MEIS2: variants seen among roughly 807,000 people sequenced by gnomAD.
MEIS2 encodes homeobox protein Meis2.
In MEIS2, 9 loss-of-function variants were observed where a neutral mutation model predicts 58.6. The ratio of observed to expected loss-of-function variants is 0.15; its 90% CI spans 0.09 to 0.27. MEIS2 has a LOEUF of 0.27. Ranked by LOEUF, MEIS2 falls within the 10% of genes least tolerant of loss-of-function variation. The pLI, the probability that MEIS2 is intolerant of heterozygous loss-of-function variation, is 1.00. For synonymous variants in MEIS2, 221 were observed against 228.4 expected, an observed-to-expected ratio of 0.97 and a Z score of 0.29; for missense variants, 427 against 635.0, an observed-to-expected ratio of 0.67 and a Z score of 3.52.
chr15:36,964,396 T>A (rs546907598), intron 8 of MEIS2, among the ~76,000 whole-genome samples: 1 of 152,196 alleles, frequency 6.6e-6, no homozygotes, highest in Non-Finnish European at 1.5e-5. Context: ...TCATTTAGAG[T>A]GCACAAGGAA....
chr15:37,050,448 A>C (rs905332091), intron 7 of MEIS2, among the ~76,000 whole-genome samples: 3 of 152,144 alleles, frequency 2.0e-5, no homozygotes, highest in African/African-American at 4.8e-5. Flanking sequence ...TGTCTCTAAG[A>C]GGTGTAAATT....
chr15:36,993,980 G>A (rs754676292), intron 8 of MEIS2, among the ~76,000 whole-genome samples: 1 of 151,882 alleles, frequency 6.6e-6, no homozygotes, highest in Non-Finnish European at 1.5e-5. Context: ...TGATTTTCAG[G>A]GTCAATAAAG....
At chr15:36,943,733 A>G (rs763747408) in intron 9 of MEIS2, among the ~76,000 whole-genome samples, 7 of 152,098 alleles carry the variant, frequency 4.6e-5, no homozygotes, top group Non-Finnish European at 8.8e-5. Flanking sequence ...CCAGCTTGCT[A>G]TGAAAACCAT....
chr15:36,907,200 T>C (rs1315286960), intron 9 of MEIS2, among the ~76,000 whole-genome samples: 1 of 152,220 alleles, frequency 6.6e-6, no homozygotes, highest in African/African-American at 2.4e-5. Flanking sequence ...TAGAAGAGAA[T>C]TGATAGGACA....
chr15:36,925,718 C>A (rs1399216428), intron 9 of MEIS2, among the ~76,000 whole-genome samples: 2 of 152,188 alleles, frequency 1.3e-5, no homozygotes, highest in African/African-American at 2.4e-5. Context: ...ACAAGCTCTG[C>A]TGTATAGACT....
chr15:36,957,865 T>C (rs1162540050), intron 8 of MEIS2, among the ~76,000 whole-genome samples: 1 of 152,208 alleles, frequency 6.6e-6, no homozygotes, highest in African/African-American at 2.4e-5. Context: ...CAGATGAATA[T>C]GGAGAGATTG....
At chr15:37,005,445 C>T (rs2060883909) in intron 8 of MEIS2, among the ~76,000 whole-genome samples, 1 of 152,326 alleles carries the variant, frequency 6.6e-6, no homozygotes, top group African/African-American at 2.4e-5. Context: ...GGTGTGGTGG[C>T]AGCAACACCT....
At chr15:36,929,357 C>G (rs2057877369) in intron 9 of MEIS2, among the ~76,000 whole-genome samples, 1 of 152,158 alleles carries the variant, frequency 6.6e-6, no homozygotes, top group Non-Finnish European at 1.5e-5. Context: ...CTGCTCTGAC[C>G]TGTGGGTATG....
chr15:37,087,605 A>G (rs1175556049), intron 6 of MEIS2, among the ~76,000 whole-genome samples: 2 of 152,194 alleles, frequency 1.3e-5, no homozygotes, highest in Non-Finnish European at 2.9e-5. Context: ...AAGTTAAAAA[A>G]AAAAATTGAT....
intron 9 of MEIS2, among the ~76,000 whole-genome samples, chr15:36,904,956 A>G (rs2056658973): frequency 6.6e-6 from 1 of 152,188 alleles, no homozygotes; most frequent in South Asian, 2.1e-4. Context: ...CCTATCAACC[A>G]AGTGGGACAT....
chr15:37,050,581 C>A (rs182309786), intron 7 of MEIS2, among the ~76,000 whole-genome samples: 135 of 152,082 alleles, frequency 8.9e-4, no homozygotes, highest in Non-Finnish European at 1.3e-3. Flanking sequence ...GAAGAGTATC[C>A]GACATACTTT....
chr15:37,012,210 A>G (rs1194379377), intron 8 of MEIS2, among the ~76,000 whole-genome samples: 1 of 152,218 alleles, frequency 6.6e-6, no homozygotes, highest in East Asian at 1.9e-4. Context: ...CATGTCCAAT[A>G]AAAGGAACAT....
chr15:37,039,493 C>A, intron 7 of MEIS2, among the ~76,000 whole-genome samples: 1 of 152,114 alleles, frequency 6.6e-6, no homozygotes, highest in Non-Finnish European at 1.5e-5. Context: ...TGAAAAAAGT[C>A]ATTTGCCTTT....
intron 2 of MEIS2, 121 bp downstream of exon 2, chr15:37,097,846 G>A: frequency 2.9e-6 from 4 of 1,385,152 alleles, no homozygotes; most frequent in Non-Finnish European, 3.8e-6. Context: ...GGCAAGCGGC[G>A]CCCGCCCCCC....
intron 11 of MEIS2, among the ~76,000 whole-genome samples, chr15:36,892,883 CATATCT>C (rs2055952468): frequency 6.6e-6 from 1 of 152,158 alleles, no homozygotes; most frequent in African/African-American, 2.4e-5. Context: ...GACATCTTAT[CATATCT>C]ATATTTCCTC....
intron 9 of MEIS2, among the ~76,000 whole-genome samples, chr15:36,920,510 C>T (rs1177740055): frequency 1.3e-5 from 2 of 152,144 alleles, no homozygotes; most frequent in East Asian, 3.9e-4. Flanking sequence ...TCTTAGAAGG[C>T]TAAAGGGGAG....
At chr15:37,036,747 T>C in intron 8 of MEIS2, 67 bp downstream of exon 8, 1 of 1,543,880 alleles carries the variant, frequency 6.5e-7, no homozygotes, top group Non-Finnish European at 8.7e-7. Context: ...AAAATCAGTA[T>C]GAGACCGTAT....
intron 9 of MEIS2, among the ~76,000 whole-genome samples, chr15:36,948,165 G>A (rs2058638220): frequency 6.6e-6 from 1 of 151,940 alleles, no homozygotes; most frequent in Non-Finnish European, 1.5e-5. Context: ...TGTAGAGACA[G>A]AAGTGTCAAC....
intron 8 of MEIS2, among the ~76,000 whole-genome samples, chr15:36,993,200 T>C (rs1356377351): frequency 3.3e-5 from 5 of 152,130 alleles, no homozygotes; most frequent in Admixed American, 6.5e-5. Context: ...TTTCATATGA[T>C]TGGAAAGAAA....
Sources: gnomAD v4.1 joint callset for allele counts (sites outside exome capture counted in the v4.1 genomes callset) on GRCh38, gnomAD v4.1.1 for gene constraint, MANE v1.5 for transcripts, NCBI Gene and HGNC (gene_info 2026-07-23, HGNC 2026-07-21) for gene names.